Variants in TUBGCP3 observed in about 807,000 individuals in gnomAD.
The protein encoded by TUBGCP3 is tubulin gamma complex component 3, also known as gamma-tubulin complex component 3.
TUBGCP3 carries 50 observed loss-of-function variants against 123.1 expected under a neutral mutation model. The ratio of observed to expected loss-of-function variants is 0.41; its 90% CI spans 0.32 to 0.51. The LOEUF (loss-of-function observed/expected upper bound fraction) is 0.51. Among genes scored for constraint, TUBGCP3 ranks in the 20% least tolerant of loss-of-function variants. The pLI, the probability that TUBGCP3 is intolerant of heterozygous loss-of-function variation, is 0.36. For synonymous variants in TUBGCP3, 405 were observed against 413.9 expected (o/e 0.98, Z 0.26); for missense variants, 882 against 1,127.0 (o/e 0.78, Z 3.11).
intron 11 of TUBGCP3, 110 bp from the exon 12 acceptor site, chr13:112,527,594 C>A: frequency 1.4e-6 from 1 of 711,226 alleles, no homozygotes; most frequent in South Asian, 1.6e-5. Flanking sequence ...TCTCCAGACA[C>A]AGGGAGTCTT....
intron 1 of TUBGCP3, among the ~76,000 whole-genome samples, chr13:112,586,400 G>A (rs892881423): frequency 7.2e-5 from 11 of 152,158 alleles, no homozygotes; most frequent in African/African-American, 1.7e-4. Flanking sequence ...TGACATTAAG[G>A]TGGGTAAGTC....
chr13:112,571,038 C>T (rs1376105242), intron 1 of TUBGCP3, among the ~76,000 whole-genome samples: 1 of 152,196 alleles, frequency 6.6e-6, no homozygotes, highest in Non-Finnish European at 1.5e-5. Flanking sequence ...GCCACCACAT[C>T]TGCAGTTCCT....
intron 3 of TUBGCP3, among the ~76,000 whole-genome samples, chr13:112,564,670 G>GA (rs895110556): frequency 1.3e-5 from 2 of 152,076 alleles, no homozygotes; most frequent in African/African-American, 4.8e-5. Context: ...AAAAAGGTTA[G>GA]AAAAATCATT....
intron 7 of TUBGCP3, 142 bp from the exon 8 acceptor site, chr13:112,554,324 A>G (rs1879844687): frequency 1.0e-6 from 1 of 1,001,306 alleles, no homozygotes; most frequent in Non-Finnish European, 1.4e-6. Context: ...TCCCATCACT[A>G]AAGGGAAGGA....
At position 112,547,658 on chromosome 13, in the gene TUBGCP3, C is replaced by G; in HGVS notation, c.1130G>C (p.Arg377Pro). The G allele has an allele frequency of 6.3e-7, 1 of 1,581,014 alleles. No individual in the cohort carries two copies. The highest frequency in any genetic ancestry group is 8.6e-7 in the Non-Finnish European group (1 of 1,160,896). ...LLVWTYDPKI[R>P]LKTLAALVDH... ...CACTAGGGCCGCAAGGGTCTTCAGT[C>G]GTATTTTGGGATCATAGGTCCAAAC... Residue 377 changes from arginine to proline, a missense_variant, in exon 10 of 22, where the codon CGA becomes CCA. Physicochemically the swap from Arg to Pro is moderately radical, Grantham distance 103 (BLOSUM62 -2). Transcript: ENST00000261965.
At position 112,519,189 on chromosome 13, in the gene TUBGCP3, A is replaced by G. The variant is rs1876408432; in HGVS notation, c.1882-146T>C. 3.0e-6 allele frequency: 2 copies of G among 669,448 alleles called. No homozygotes were observed. Among genetic ancestry groups the G allele is most frequent in the Non-Finnish European group, 5.4e-6 (2 of 368,410 alleles). The allele number at this position is 669,448 out of a possible 1,614,324, so 41.5% of individuals were successfully genotyped here. On this transcript the variant is annotated intron_variant, in intron 15 of 21. Transcript: ENST00000261965. The surrounding 1 kb of genome is among the most constrained non-coding windows in gnomAD (Gnocchi z 6.2). ...GTGCATCTTCTTGTTAACTTCTACA[A>G]CCTCACCAATTAGGCAATAATGAGC...
In TUBGCP3 at chr13:112,554,166, G is replaced by C; in HGVS notation, c.857C>G (p.Ser286Cys). The C allele has an allele frequency of 6.2e-7, 1 of 1,613,806 alleles. No homozygotes were observed. The highest frequency in any genetic ancestry group is 8.5e-7 in the Non-Finnish European group (1 of 1,179,956). Residue 286 changes from serine (S) to cysteine (C), a missense_variant, in exon 8 of 22, where the codon TCT becomes TGT. Ser to Cys is a moderately radical substitution (Grantham distance 112). This residue lies in a region of TUBGCP3 where 713 missense variants were observed against 874.0 expected (regional missense o/e 0.82). Coordinates refer to ENST00000261965, the MANE Select transcript of TUBGCP3 (RefSeq NM_006322.6). Reference sequence around the variant, plus strand: ...AAGCCTGACTGCTGTGTCTCTCAAAGACCTACTTAGATTTGCCTAAAAAGT... The same window carrying C: ...AAGCCTGACTGCTGTGTCTCTCAAACACCTACTTAGATTTGCCTAAAAAGT... The part of the protein sequence containing the change: ...KVEGKANLSR[S>C]LRDTAVRLSE...
intron 1 of TUBGCP3, among the ~76,000 whole-genome samples, chr13:112,574,583 T>G (rs575156480): frequency 3.9e-5 from 6 of 152,228 alleles, no homozygotes; most frequent in Non-Finnish European, 7.3e-5. Flanking sequence ...CTGAAAGATG[T>G]AAAGAAAACA....
chr13:112,522,313 G>C lies in TUBGCP3; in HGVS notation c.1745+7C>G. 2 of 1,550,356 alleles carry C rather than the reference G, an allele frequency of 1.3e-6. No homozygotes were observed. Among genetic ancestry groups the C allele is most frequent in the Non-Finnish European group, 1.8e-6 (2 of 1,137,366 alleles). ...ACTTATTTATAGAAATCAAAATAGT[G>C]CCTTACTTTAGCAAGTCCATTAAGT... On this transcript the variant is annotated splice_region_variant and intron_variant, in intron 14 of 21. Transcript: ENST00000261965.
Position 112,556,137 on chromosome 13 carries a change from A to C in TUBGCP3, c.636T>G (p.Pro212=). The change falls in exon 6 of 22, where the codon CCT becomes CCG. Residue 212 remains proline (P), a synonymous_variant. Transcript: ENST00000261965. ...RLAWTLTANQ[P]SSQATTSKGV... The stretch of plus-strand genomic sequence containing the variant: ...CTTTTGAGGTAGTGGCTTGTGAAGA[A>C]GGCTGATTTGCAGTTAAAGTCCATG... The C allele has an allele frequency of 1.9e-6, 3 of 1,614,078 alleles. No individual in the cohort carries two copies. The highest frequency in any genetic ancestry group is 2.5e-6 in the Non-Finnish European group (3 of 1,179,984).
Position 112,565,112 on chromosome 13 carries a change from T to A in TUBGCP3, c.251A>T (p.Gln84Leu), listed in dbSNP as rs543429281. The change falls in exon 3 of 22, where the codon CAG becomes CTG. Residue 84 changes from glutamine (Q) to leucine (L), a missense_variant and splice_region_variant. Coordinates refer to ENST00000261965, the MANE Select transcript of TUBGCP3 (RefSeq NM_006322.6). The stretch of plus-strand genomic sequence containing the variant: ...GACCTCCAGAATTCTGCACTGTACC[T>A]GTGAATGAAGTTTTCTGTGGAGTTC... ...FSELHRKLHS[Q>L]GVLKNKWSIL... The A allele has an allele frequency of 6.2e-7, 1 of 1,613,678 alleles. No homozygotes were observed. Among genetic ancestry groups the A allele is most frequent in the South Asian group, 1.1e-5 (1 of 91,060 alleles).
chr13:112,577,900 AG>A (rs1304920256), intron 1 of TUBGCP3, among the ~76,000 whole-genome samples: 1 of 152,148 alleles, frequency 6.6e-6, no homozygotes, highest in South Asian at 2.1e-4. Context: ...CTAAAATGTG[AG>A]GGGGGAAAAA....
intron 8 of TUBGCP3, among the ~76,000 whole-genome samples, chr13:112,550,607 C>T (rs1594184429): frequency 6.6e-6 from 1 of 152,152 alleles, no homozygotes; most frequent in Non-Finnish European, 1.5e-5. Flanking sequence ...AGAATAAATG[C>T]GGTAACGTAG....
chr13:112,548,280 C>T, intron 8 of TUBGCP3, 104 bp from the exon 9 acceptor site: 1 of 728,854 alleles, frequency 1.4e-6, no homozygotes, highest in Non-Finnish European at 2.2e-6. Flanking sequence ...AGGTGGGGTG[C>T]TACAAGATTT....
chr13:112,587,179 T>A (rs1157641574), intron 1 of TUBGCP3: 2 of 152,226 alleles, frequency 1.3e-5, no homozygotes, highest in Admixed American at 1.3e-4. Flanking sequence ...AGAAATGGCA[T>A]CCTGTACCAT....
the TUBGCP3 span, among the ~76,000 whole-genome samples, chr13:112,599,689 A>T: frequency 1.9e-4 from 28 of 143,634 alleles, no homozygotes; most frequent in Admixed American, 5.6e-4. Context: ...TTTATTTTTT[A>T]TTTTTTTTTT....
intron 8 of TUBGCP3, among the ~76,000 whole-genome samples, chr13:112,550,871 G>A (rs376080379): frequency 5.5e-4 from 83 of 152,270 alleles, no homozygotes; most frequent in African/African-American, 1.7e-3. Flanking sequence ...GGCCAAGGCG[G>A]GCAGATCATG....
In TUBGCP3 at chr13:112,540,918, T is replaced by C. The variant is rs557198252; in HGVS notation, c.1335+4781A>G. Among the ~76,000 whole-genome samples, 133 of 152,376 alleles carry C rather than the reference T, an allele frequency of 8.7e-4. 2 individuals carry two copies. In the South Asian group the frequency reaches 0.026, roughly 29 times the overall value. On this transcript the variant is annotated intron_variant, in intron 11 of 21. Coordinates refer to ENST00000261965, the MANE Select transcript of TUBGCP3 (RefSeq NM_006322.6). The stretch of plus-strand genomic sequence containing the variant: ...ATTATACTCAATAGACATGCATTAT[T>C]TTATTTTTAAATAAATAAAACATGA...
At position 112,545,813 on chromosome 13, in the gene TUBGCP3, T is replaced by C; in HGVS notation, c.1221A>G (p.Gly407=). ...ASAVHAYTKT[G]DPYMRSLVQH... is the part of the protein sequence containing the mutation. ...GCACCAGAGACCGCATGTACGGGTC[T>C]CCTGTTTTTGTGTAGGCGTGGACAG... The change falls in exon 11 of 22, where the codon GGA becomes GGG. Residue 407 remains glycine, a synonymous_variant. Transcript: ENST00000261965. This position sits in a 1 kb window ranked among gnomAD's most constrained non-coding sequence, Gnocchi z 4.1. The C allele has an allele frequency of 6.2e-7, 1 of 1,614,192 alleles. No individual in the cohort carries two copies. The highest frequency in any genetic ancestry group is 1.1e-5 in the South Asian group (1 of 91,090).
Sources: gnomAD v4.1 joint callset for allele counts (sites outside exome capture counted in the v4.1 genomes callset) on GRCh38, gnomAD v4.1.1 for gene constraint, gnomAD v4.1.1 regional missense constraint, Gnocchi (gnomAD v3.1) non-coding constraint, MANE v1.5 for transcripts, NCBI Gene and HGNC (gene_info 2026-07-23, HGNC 2026-07-21) for gene names.